PCDH15: variants seen among roughly 807,000 people sequenced by gnomAD.
The protein encoded by PCDH15 is protocadherin-15.
PCDH15 carries 129 observed loss-of-function variants against 178.5 expected under a neutral mutation model. The observed-to-expected ratio is 0.72, with a 90% CI of 0.63 to 0.84. PCDH15 has a LOEUF of 0.84. Among genes scored for constraint, PCDH15 ranks in the 40% least tolerant of loss-of-function variants. PCDH15 has a pLI of 0.00. For synonymous variants in PCDH15, 800 were observed against 732.0 expected (o/e 1.09, Z -1.50); for missense variants, 2,230 against 2,099.9 (o/e 1.06, Z -1.21).
chr10:55,626,866 T>C (rs1837540113), intron 2 of PCDH15, among the ~76,000 whole-genome samples: 1 of 152,190 alleles, frequency 6.6e-6, no homozygotes, highest in Admixed American at 6.5e-5. Context: ...AAAGAAGTCT[T>C]TTATCATCCC....
chr10:54,276,660 T>C (rs919024408), intron 8 of PCDH15, among the ~76,000 whole-genome samples: 1 of 112,058 alleles, frequency 8.9e-6, no homozygotes, highest in African/African-American at 2.8e-5. Context: ...TACTGCAACA[T>C]TTTAAAATTC....
At chr10:54,393,859 T>A (rs867448750) in intron 3 of PCDH15, among the ~76,000 whole-genome samples, 2 of 152,274 alleles carry the variant, frequency 1.3e-5, no homozygotes, top group African/African-American at 4.8e-5. Context: ...ATAATGCACA[T>A]GTCATTTCCA....
intron 5 of PCDH15, among the ~76,000 whole-genome samples, chr10:54,357,785 A>C (rs1314088957): frequency 1.8e-4 from 28 of 152,198 alleles, no homozygotes; most frequent in Non-Finnish European, 3.1e-4. Flanking sequence ...TACAGTAACC[A>C]AAACAGCATG....
chr10:55,068,703 A>T (rs964244175), intron 2 of PCDH15, among the ~76,000 whole-genome samples: 13 of 152,060 alleles, frequency 8.5e-5, no homozygotes, highest in African/African-American at 3.1e-4. Flanking sequence ...TTTAATATTA[A>T]TTCTACCACT....
rs370217671 is a variant in PCDH15, at chr10:53,921,334, C to G, written c.3373+17481G>C. ...TGTAAGTTTCAAGTAATATGCCACC[C>G]CTCTACACCAACCTTACCAAGCACT... is the stretch of plus-strand genomic sequence containing the variant. On this transcript the variant is annotated intron_variant, in intron 25 of 37. Transcript: ENST00000644397. Among the ~76,000 whole-genome samples, 6 of 152,110 alleles carry G rather than the reference C, an allele frequency of 3.9e-5. No individual in the cohort carries two copies. In the East Asian group the frequency reaches 1.2e-3, roughly 29 times the overall value.
At chr10:54,999,333 T>C (rs1023260015) in intron 2 of PCDH15, among the ~76,000 whole-genome samples, 1 of 152,072 alleles carries the variant, frequency 6.6e-6, no homozygotes, top group African/African-American at 2.4e-5. Flanking sequence ...TGAACAGGGA[T>C]AGTACATTAT....
intron 1 of PCDH15, among the ~76,000 whole-genome samples, chr10:54,733,843 GACTT>G (rs148190861): frequency 0.12 from 18,319 of 151,160 alleles, 1,230 homozygotes; most frequent in African/African-American, 0.17. Context: ...ATAATAAAAA[GACTT>G]AATTTTAAAT....
At chr10:54,616,138 A>C (rs1260213000) in intron 2 of PCDH15, among the ~76,000 whole-genome samples, 1 of 152,088 alleles carries the variant, frequency 6.6e-6, no homozygotes, top group African/African-American at 2.4e-5. Context: ...AAAATTAAAA[A>C]TAAAGTTTAA....
intron 2 of PCDH15, among the ~76,000 whole-genome samples, chr10:55,626,765 T>C (rs1289681888): frequency 6.6e-6 from 1 of 152,206 alleles, no homozygotes. Context: ...CCATGCTGAA[T>C]TGCACCCAAG....
rs1368199812 is a variant in PCDH15 at position 54,862,475 on chromosome 10, A to G, written c.-29+34975T>C. 2.0e-5 allele frequency among the ~76,000 whole-genome samples: 3 copies of G among 152,112 alleles called. No individual in the cohort carries two copies. In the East Asian group the frequency reaches 5.8e-4, roughly 29 times the overall value. ...TGTGAATAGTTTTTATGCCCATTTG[A>G]TCATAGTTAGCTGCTACAGCTTATA... On this transcript the variant is annotated intron_variant, in intron 3 of 5. Coordinates refer to the PCDH15 transcript ENST00000458638.
chr10:55,170,257 C>T (rs1839297225), intron 1 of PCDH15, among the ~76,000 whole-genome samples: 1 of 151,986 alleles, frequency 6.6e-6, no homozygotes, highest in Admixed American at 6.6e-5. Context: ...TCAAGCAATC[C>T]TCCTGCCTCA....
chr10:55,257,662 A>G (rs994549071), intron 1 of PCDH15, among the ~76,000 whole-genome samples: 2 of 152,206 alleles, frequency 1.3e-5, no homozygotes, highest in Non-Finnish European at 2.9e-5. Flanking sequence ...GTGAGAAGAG[A>G]ACTTTAGAGA....
chr10:55,096,158 G>C (rs538921749), intron 2 of PCDH15, among the ~76,000 whole-genome samples: 2 of 152,002 alleles, frequency 1.3e-5, no homozygotes, highest in South Asian at 4.2e-4. Flanking sequence ...ATCAAAACAT[G>C]AAAAAAAATT....
intron 2 of PCDH15, among the ~76,000 whole-genome samples, chr10:54,984,658 G>A (rs140478585): frequency 0.013 from 2,042 of 152,176 alleles, 40 homozygotes; most frequent in African/African-American, 0.046. Context: ...GGGCAACATC[G>A]TAAGACACTG....
intron 25 of PCDH15, among the ~76,000 whole-genome samples, chr10:53,907,850 G>A (rs971800979): frequency 3.9e-5 from 6 of 152,152 alleles, no homozygotes. Flanking sequence ...GAGTTCAGAA[G>A]AGTGATTTTA....
chr10:53,903,306 T>C lies in PCDH15; in HGVS notation c.3438A>G (p.Lys1146=). The C allele has an allele frequency of 6.2e-7, 1 of 1,613,280 alleles. No individual in the cohort carries two copies. The highest frequency in any genetic ancestry group is 8.5e-7 in the Non-Finnish European group (1 of 1,179,534). Residue 1146 remains lysine (K), a synonymous_variant, in exon 26 of 38, where the codon AAA becomes AAG. Coordinates refer to ENST00000644397, the MANE Select transcript of PCDH15 (RefSeq NM_001384140.1). ...DENNHPPVFQ[K]KFYIGGVSED... ...CAGATACACCTCCGATGTAGAATTT[T>C]TTCTGAAACACTGGGGGATGATTAT...
At chr10:55,097,750 T>G (rs955434740) in intron 2 of PCDH15, among the ~76,000 whole-genome samples, 2 of 152,070 alleles carry the variant, frequency 1.3e-5, no homozygotes, top group Non-Finnish European at 2.9e-5. Flanking sequence ...AACAGAATCC[T>G]GAAGAGTCAC....
At chr10:54,183,264 C>T (rs1371630866) in intron 13 of PCDH15, among the ~76,000 whole-genome samples, 180 bp downstream of exon 13, 1 of 152,186 alleles carries the variant, frequency 6.6e-6, no homozygotes, top group Non-Finnish European at 1.5e-5. Context: ...AGCCACCATG[C>T]CTGGCGGATA....
chr10:54,997,407 A>G (rs1290700603), intron 2 of PCDH15, among the ~76,000 whole-genome samples: 2 of 152,222 alleles, frequency 1.3e-5, no homozygotes, highest in African/African-American at 4.8e-5. Context: ...GACTTAAGTA[A>G]ATCTTAAATA....
Sources: allele counts gnomAD v4.1 joint callset (sites outside exome capture counted in the v4.1 genomes callset), GRCh38; gene constraint gnomAD v4.1.1; transcripts MANE v1.5; gene names NCBI Gene and HGNC (gene_info 2026-07-23, HGNC 2026-07-21).